The following POLR2D variants were observed in gnomAD, a reference collection of about 807,000 sequenced individuals.
The protein encoded by POLR2D is RNA polymerase II subunit D.
A neutral mutation model predicts 17.6 loss-of-function variants in POLR2D; 10 were observed. That is an observed-to-expected ratio of 0.57 (90% CI 0.35 to 0.96). The LOEUF (loss-of-function observed/expected upper bound fraction) is 0.96, where lower values mean the gene tolerates loss of function less well. Ranked by LOEUF, POLR2D falls within the 40% of genes least tolerant of loss-of-function variation. The pLI is 0.02. For missense variants in POLR2D, 126 were observed against 176.4 expected, an observed-to-expected ratio of 0.71 and a Z score of 1.62; for synonymous variants, 52 against 60.2, an observed-to-expected ratio of 0.86 and a Z score of 0.63.
At chr2:127,848,269 C>T in intron 3 of POLR2D, 84 bp from the exon 4 acceptor site, 1 of 771,702 alleles carries the variant, frequency 1.3e-6, no homozygotes, top group South Asian at 1.7e-5. Flanking sequence ...ATCTACTGCC[C>T]ACATCTCTAA....
chr2:127,846,479 C>T lies in POLR2D; in HGVS notation c.*1628G>A, dbSNP rs1690157756. ...AATGTTTAGCTATTGAAGTGTTTTCCCCCAGACTGAGATCAAGTGACTTCA... is the reference window on the plus strand; with the variant it reads ...AATGTTTAGCTATTGAAGTGTTTTCTCCCAGACTGAGATCAAGTGACTTCA... On this transcript the variant is annotated 3_prime_UTR_variant, in exon 4 of 4. Coordinates refer to ENST00000272645, the MANE Select transcript of POLR2D (RefSeq NM_004805.4). 1 of 151,842 alleles carries T rather than the reference C, an allele frequency of 6.6e-6. No individual in the cohort carries two copies. Among genetic ancestry groups the T allele is most frequent in the Non-Finnish European group, 1.5e-5 (1 of 67,976 alleles). 9.4% of individuals were successfully genotyped at this position (151,842 alleles called of 1,614,324 possible). A position where few individuals can be genotyped will look rare whatever the true frequency, so the allele number is the denominator to read the frequency against.
intron 2 of POLR2D, among the ~76,000 whole-genome samples, chr2:127,851,808 A>C (rs866151854): frequency 2.1e-4 from 32 of 152,122 alleles, no homozygotes; most frequent in Middle Eastern, 3.4e-3. Flanking sequence ...GTTTTTTTTG[A>C]GATGGAGTCT....
Position 127,852,571 on chromosome 2 carries a change from G to C in POLR2D, c.254+354C>G, listed in dbSNP as rs1422587237. On this transcript the variant is annotated intron_variant, in intron 2 of 3. Coordinates refer to ENST00000272645, the MANE Select transcript of POLR2D (RefSeq NM_004805.4). This position sits in a 1 kb window ranked among gnomAD's most constrained non-coding sequence, Gnocchi z 4.0. ...AATTCTGGTCTTCTAAGTTGCCCAG[G>C]TTGGAGTGCAGTTGCGCAATCTCGG... Among the ~76,000 whole-genome samples, 1 of 152,174 alleles carries C rather than the reference G, an allele frequency of 6.6e-6. No homozygotes were observed. Among genetic ancestry groups the C allele is most frequent in the Non-Finnish European group, 1.5e-5 (1 of 68,030 alleles).
At chr2:127,857,057 G>A (rs530266877) in intron 1 of POLR2D, 12 of 152,252 alleles carry the variant, frequency 7.9e-5, no homozygotes, top group African/African-American at 2.6e-4. Flanking sequence ...ATGAATGAAT[G>A]AATAAAAGAA....
chr2:127,854,810 T>C (rs1179762684), intron 1 of POLR2D, among the ~76,000 whole-genome samples: 1 of 152,104 alleles, frequency 6.6e-6, no homozygotes. Flanking sequence ...TTCTAGCCTA[T>C]AACAGGGGAT....
rs1277291542 is a variant in POLR2D at position 127,846,521 on chromosome 2, G to A, written c.*1586C>T. The A allele has an allele frequency of 6.6e-6, 1 of 152,140 alleles. No individual in the cohort carries two copies. The highest frequency in any genetic ancestry group is 1.5e-5 in the Non-Finnish European group (1 of 68,038). The allele number at this position is 152,140 out of a possible 1,614,324, so 9.4% of individuals were successfully genotyped here. ...GTGACTTCACTGCAGTGGCTCAAGA[G>A]TGGATGACTCCCTCCTTCCAAATAA... On this transcript the variant is annotated 3_prime_UTR_variant, in exon 4 of 4. Transcript: ENST00000272645.
In POLR2D at chr2:127,852,696, T is replaced by C. The variant is rs1690271448; in HGVS notation, c.254+229A>G. 5.9e-5 allele frequency among the ~76,000 whole-genome samples: 9 copies of C among 152,204 alleles called. No homozygotes were observed. Among genetic ancestry groups the C allele is most frequent in the Admixed American group, 5.9e-4 (9 of 15,280 alleles). ...TGTACCACCAGCTAATTTTTTGCAT[T>C]TTTAGCAGAGACGGGTTTTTGCTAT... On this transcript the variant is annotated intron_variant, in intron 2 of 3. Transcript: ENST00000272645. This position sits in a 1 kb window ranked among gnomAD's most constrained non-coding sequence, Gnocchi z 4.0.
chr2:127,857,919 C>G (rs958905972), intron 1 of POLR2D, 109 bp downstream of exon 1: 2 of 1,454,320 alleles, frequency 1.4e-6, no homozygotes, highest in Non-Finnish European at 1.8e-6. Flanking sequence ...CGCGCTGGGG[C>G]TTGCCCAAGC....
chr2:127,844,850 CACA>C lies in POLR2D; in HGVS notation c.*3254_*3256del, dbSNP rs559240054. ...TGTATTTTTAGTAGAGACAGGGTTT[CACA>C]ACGTTGGCCAGGCTGGTCTCGAACT... On this transcript the variant is annotated 3_prime_UTR_variant, in exon 4 of 4. Coordinates refer to ENST00000272645, the MANE Select transcript of POLR2D (RefSeq NM_004805.4). 1.3e-5 allele frequency: 2 copies of C among 152,170 alleles called. No homozygotes were observed. Among genetic ancestry groups the C allele is most frequent in the Non-Finnish European group, 2.9e-5 (2 of 68,066 alleles). The allele number at this position is 152,170 out of a possible 1,614,324, so 9.4% of individuals were successfully genotyped here. A position where few individuals can be genotyped will look rare whatever the true frequency, so the allele number is the denominator to read the frequency against.
At chr2:127,849,439 A>G (rs905192496) in intron 3 of POLR2D, among the ~76,000 whole-genome samples, 11 of 152,204 alleles carry the variant, frequency 7.2e-5, no homozygotes, top group African/African-American at 2.7e-4. Flanking sequence ...TCCTCAATTT[A>G]GTATTTATCA....
At chr2:127,851,884 G>A (rs1189284290) in intron 2 of POLR2D, among the ~76,000 whole-genome samples, 6 of 152,078 alleles carry the variant, frequency 3.9e-5, no homozygotes, top group African/African-American at 1.2e-4. Flanking sequence ...TCCCTCTCCC[G>A]GGTTCAAGCA....
intron 2 of POLR2D, among the ~76,000 whole-genome samples, chr2:127,851,436 C>CA (rs138220232): frequency 0.045 from 6,792 of 150,764 alleles, 505 homozygotes; most frequent in African/African-American, 0.16. Context: ...CGAAACAAAA[C>CA]AAAAAAAAGG....
rs747725989 is a variant in POLR2D at position 127,855,394 on chromosome 2, CAAAAAAA to C, written c.74-2296_74-2290del. Among the ~76,000 whole-genome samples, 420 of 51,280 alleles carry C rather than the reference CAAAAAAA, an allele frequency of 8.2e-3. 2 individuals carry two copies. The highest frequency in any genetic ancestry group is 0.012 in the Admixed American group (58 of 4,682). The allele number at this position is 51,280 out of a possible 152,430, so 33.6% of individuals were successfully genotyped here. On this transcript the variant is annotated intron_variant, in intron 1 of 3. Coordinates refer to ENST00000272645, the MANE Select transcript of POLR2D (RefSeq NM_004805.4). The stretch of plus-strand genomic sequence containing the variant: ...AGGCAACAACAGTGAAACTCCGTCT[CAAAAAAA>C]AAAAAAAAAAAAAAAAAGAGAGATG...
chr2:127,850,767 AG>A (rs1220343940), intron 2 of POLR2D, 82 bp from the exon 3 acceptor site: 2 of 717,974 alleles, frequency 2.8e-6, no homozygotes, highest in African/African-American at 3.6e-5. Flanking sequence ...ACAGGAAAAA[AG>A]GGATCAAACG....
At position 127,858,136 on chromosome 2, in the gene POLR2D, C is replaced by T. The variant is rs750091699; in HGVS notation, c.-36G>A. ...CGCCGCGCGCCACCACCAGCGCCGC[C>T]GGAAGCAGAAGCGCGGAGCAACGGC... On this transcript the variant is annotated 5_prime_UTR_variant, in exon 1 of 4. Coordinates refer to ENST00000272645, the MANE Select transcript of POLR2D (RefSeq NM_004805.4). 2.8e-6 allele frequency: 4 copies of T among 1,416,172 alleles called. No homozygotes were observed. Among genetic ancestry groups the T allele is most frequent in the African/African-American group, 3.0e-5 (2 of 66,240 alleles). 87.7% of individuals were successfully genotyped at this position (1,416,172 alleles called of 1,614,324 possible).
At chr2:127,850,090 T>C (rs1160092569) in intron 3 of POLR2D, among the ~76,000 whole-genome samples, 3 of 152,126 alleles carry the variant, frequency 2.0e-5, no homozygotes, top group East Asian at 3.9e-4. Context: ...TCCAGCTGTT[T>C]CATATTTTTG....
intron 1 of POLR2D, among the ~76,000 whole-genome samples, chr2:127,854,216 C>T (rs1476013597): frequency 6.6e-6 from 1 of 152,142 alleles, no homozygotes; most frequent in Non-Finnish European, 1.5e-5. Flanking sequence ...TATACGGCGA[C>T]CTTCTACATT....
intron 1 of POLR2D, among the ~76,000 whole-genome samples, chr2:127,856,320 GGTGGC>G (rs1690329191): frequency 3.5e-5 from 2 of 56,488 alleles, no homozygotes; most frequent in Non-Finnish European, 7.9e-5. Flanking sequence ...GGCAGGGTGA[GGTGGC>G]TCACACCTGT....
rs397871322 is a variant in POLR2D, at chr2:127,845,373, C to CTTTTTTTTTTTTTTTTTT, written c.*2716_*2733dup. 2.6e-5 allele frequency: 3 copies of CTTTTTTTTTTTTTTTTTT among 113,618 alleles called. No homozygotes were observed. Among genetic ancestry groups the CTTTTTTTTTTTTTTTTTT allele is most frequent in the African/African-American group, 1.1e-4 (3 of 26,520 alleles). 7.0% of individuals were successfully genotyped at this position (113,618 alleles called of 1,614,324 possible). A position where few individuals can be genotyped will look rare whatever the true frequency, so the allele number is the denominator to read the frequency against. On this transcript the variant is annotated 3_prime_UTR_variant, in exon 4 of 4. Transcript: ENST00000272645. Reference sequence around the variant, plus strand: ...CTGTAGATTTGGGTAAGCAATTTCACTTTTTTTTTTTTTTTTTTTTTGAGA... The same window carrying CTTTTTTTTTTTTTTTTTT: ...CTGTAGATTTGGGTAAGCAATTTCACTTTTTTTTTTTTTTTTTTTTTTTTTTTTTTTTTTTTTTTGAGA...
Sources: gnomAD v4.1 joint callset for allele counts (sites outside exome capture counted in the v4.1 genomes callset) on GRCh38, gnomAD v4.1.1 for gene constraint, Gnocchi (gnomAD v3.1) non-coding constraint, MANE v1.5 for transcripts, NCBI Gene and HGNC (gene_info 2026-07-23, HGNC 2026-07-21) for gene names.